The following CSMD3 variants were observed in gnomAD, a reference collection of about 807,000 sequenced individuals.
The protein encoded by CSMD3 is CUB and Sushi multiple domains 3, also known as CUB and sushi domain-containing protein 3.
Under a neutral mutation model 435.2 loss-of-function variants are expected in CSMD3, and 177 were observed. That is an observed-to-expected ratio of 0.41 (90% CI 0.36 to 0.46). The LOEUF (loss-of-function observed/expected upper bound fraction) is 0.46, where lower values mean the gene tolerates loss of function less well. Among genes scored for constraint, CSMD3 ranks in the 20% least tolerant of loss-of-function variants. The pLI, the probability that CSMD3 is intolerant of heterozygous loss-of-function variation, is 0.34. For synonymous variants in CSMD3, 1,656 were observed against 1,520.5 expected (o/e 1.09, Z -2.07); for missense variants, 4,265 against 4,504.6 (o/e 0.95, Z 1.52).
intron 3 of CSMD3, among the ~76,000 whole-genome samples, chr8:113,276,885 G>C (rs2093575403): frequency 6.6e-6 from 1 of 151,884 alleles, no homozygotes; most frequent in Non-Finnish European, 1.5e-5. Context: ...AAAAATATAT[G>C]AATCTATTTT....
In CSMD3 at chr8:112,954,750, T is replaced by A; in HGVS notation, c.1354A>T (p.Ile452Leu). 6.3e-7 allele frequency: 1 copy of A among 1,578,350 alleles called. No individual in the cohort carries two copies. Among genetic ancestry groups the A allele is most frequent in the East Asian group, 2.2e-5 (1 of 44,492 alleles). The part of the protein sequence containing the change: ...AVVTHRVKKA[I>L]DFKSRGFKLF... ...TTAAATCCTCTAGATTTAAAATCTA[T>A]GGCCTTTTTCACTAGTTAAGAAAAC... Residue 452 changes from isoleucine (I) to leucine (L), a missense_variant, in exon 8 of 71, where the codon ATA (isoleucine) becomes TTA (leucine). Transcript: ENST00000297405.
chr8:113,152,150 C>G (rs904344445), intron 4 of CSMD3, among the ~76,000 whole-genome samples: 2 of 151,854 alleles, frequency 1.3e-5, no homozygotes, highest in Non-Finnish European at 2.9e-5. Context: ...TCCAGTCCAC[C>G]TGGGAAGGTT....
intron 32 of CSMD3, among the ~76,000 whole-genome samples, chr8:112,443,816 C>G (rs1001454452): frequency 6.6e-6 from 1 of 151,860 alleles, no homozygotes; most frequent in Non-Finnish European, 1.5e-5. Flanking sequence ...AGTTACAATG[C>G]TATTTATTAA....
intron 13 of CSMD3, among the ~76,000 whole-genome samples, chr8:112,730,764 C>T (rs185866676): frequency 6.6e-6 from 1 of 152,114 alleles, no homozygotes; most frequent in East Asian, 1.9e-4. Context: ...TGCAATGATT[C>T]TGTGATGGGC....
At chr8:112,341,109 CATGA>C (rs902864284) in intron 42 of CSMD3, among the ~76,000 whole-genome samples, 14 of 152,224 alleles carry the variant, frequency 9.2e-5, no homozygotes, top group Admixed American at 8.5e-4. Context: ...TAATACAACA[CATGA>C]ATAATACAAA....
intron 1 of CSMD3, among the ~76,000 whole-genome samples, chr8:113,347,768 G>T (rs2094161951): frequency 6.6e-6 from 1 of 152,130 alleles, no homozygotes; most frequent in African/African-American, 2.4e-5. Context: ...TTACTGTCAA[G>T]ATACAAGCTT....
At position 112,650,144 on chromosome 8, in the gene CSMD3, G is replaced by C. The variant is rs2131631370; in HGVS notation, c.3193+17C>G. 6.3e-7 allele frequency: 1 copy of C among 1,575,274 alleles called. No homozygotes were observed. The highest frequency in any genetic ancestry group is 8.7e-7 in the Non-Finnish European group (1 of 1,144,668). On this transcript the variant is annotated intron_variant, in intron 19 of 70. Coordinates refer to ENST00000297405, the MANE Select transcript of CSMD3 (RefSeq NM_198123.2). ...GTTTATAAATCAGCATATTTTGCAT[G>C]TCAAATGAGTTATTACCATCACAGG... is the stretch of plus-strand genomic sequence containing the variant.
intron 1 of CSMD3, among the ~76,000 whole-genome samples, chr8:113,375,043 A>C (rs536034542): frequency 6.6e-6 from 1 of 152,120 alleles, no homozygotes; most frequent in Non-Finnish European, 1.5e-5. Flanking sequence ...CCAGTATAAC[A>C]AAAGAGTAGA....
intron 35 of CSMD3, among the ~76,000 whole-genome samples, chr8:112,403,216 A>T (rs914941665): frequency 2.0e-5 from 3 of 152,194 alleles, no homozygotes; most frequent in African/African-American, 7.2e-5. Context: ...TAATCTATCA[A>T]TTAATTTAGG....
chr8:112,612,489 G>A (rs574415824), intron 22 of CSMD3, among the ~76,000 whole-genome samples: 47 of 152,148 alleles, frequency 3.1e-4, no homozygotes, highest in African/African-American at 1.1e-3. Flanking sequence ...AACATGCTAA[G>A]AGACTATAAA....
intron 35 of CSMD3, among the ~76,000 whole-genome samples, chr8:112,399,317 A>G (rs867120166): frequency 8.1e-5 from 12 of 148,228 alleles, no homozygotes; most frequent in Middle Eastern, 3.8e-3. Context: ...CTGGAGTGCA[A>G]TGGTGTATTC....
chr8:112,713,576 C>A (rs1209621486), intron 13 of CSMD3, among the ~76,000 whole-genome samples: 1 of 151,988 alleles, frequency 6.6e-6, no homozygotes, highest in Non-Finnish European at 1.5e-5. Context: ...ATACAAAAAA[C>A]ACCACTAAGG....
intron 6 of CSMD3, among the ~76,000 whole-genome samples, chr8:112,998,607 T>C (rs1450325886): frequency 6.6e-6 from 1 of 151,940 alleles, no homozygotes; most frequent in Admixed American, 6.6e-5. Context: ...CTCAAGCAAG[T>C]TTGTCCAGGG....
At chr8:112,971,408 C>G (rs538163496) in intron 7 of CSMD3, among the ~76,000 whole-genome samples, 1 of 152,216 alleles carries the variant, frequency 6.6e-6, no homozygotes, top group East Asian at 1.9e-4. Flanking sequence ...TAGTCTCAGC[C>G]TAGTTCTTTG....
chr8:113,242,370 T>A (rs2093228607), intron 3 of CSMD3, among the ~76,000 whole-genome samples: 1 of 152,012 alleles, frequency 6.6e-6, no homozygotes, highest in Admixed American at 6.6e-5. Flanking sequence ...GTTTTCAACT[T>A]ATTGCAACCT....
intron 31 of CSMD3, among the ~76,000 whole-genome samples, chr8:112,475,258 T>G (rs1429014826): frequency 6.6e-6 from 1 of 152,186 alleles, no homozygotes; most frequent in Non-Finnish European, 1.5e-5. Flanking sequence ...AACACGTGTC[T>G]GACAGCCAGA....
intron 32 of CSMD3, among the ~76,000 whole-genome samples, chr8:112,411,900 G>GT (rs1239633170): frequency 6.6e-6 from 1 of 151,988 alleles, no homozygotes; most frequent in African/African-American, 2.4e-5. Context: ...ACTGGTTATT[G>GT]TTTTTTTGAA....
chr8:113,316,215 T>C (rs1359040897), intron 1 of CSMD3, among the ~76,000 whole-genome samples: 1 of 152,140 alleles, frequency 6.6e-6, no homozygotes, highest in African/African-American at 2.4e-5. Flanking sequence ...CTGTGAGTCC[T>C]ACAGGAAGCT....
At chr8:113,054,213 T>C (rs1300258939) in intron 5 of CSMD3, among the ~76,000 whole-genome samples, 1 of 152,212 alleles carries the variant, frequency 6.6e-6, no homozygotes, top group Non-Finnish European at 1.5e-5. Context: ...TTTCCTTCTA[T>C]TCAGAAAAAT....
Sources: gnomAD v4.1 joint callset for allele counts (sites outside exome capture counted in the v4.1 genomes callset) on GRCh38, gnomAD v4.1.1 for gene constraint, MANE v1.5 for transcripts, NCBI Gene and HGNC (gene_info 2026-07-23, HGNC 2026-07-21) for gene names.